The following PLB1 variants were observed in gnomAD, a reference collection of about 807,000 sequenced individuals.
PLB1 encodes phospholipase B1, membrane-associated.
PLB1 carries 242 observed loss-of-function variants against 227.4 expected under a neutral mutation model. That is an observed-to-expected ratio of 1.06 (90% confidence interval 0.96 to 1.18). PLB1 has a LOEUF of 1.18. PLB1 is among the 50% of genes most tolerant of loss of function. PLB1 has a pLI of 0.00. For synonymous variants in PLB1, 757 were observed against 682.2 expected (o/e 1.11, Z -1.71); for missense variants, 1,858 against 1,816.3 (o/e 1.02, Z -0.42).
intron 49 of PLB1, among the ~76,000 whole-genome samples, chr2:28,622,628 C>G (rs945286427): frequency 2.6e-5 from 4 of 152,204 alleles, no homozygotes; most frequent in Non-Finnish European, 1.5e-5. Context: ...GTGACTCACA[C>G]CTGTAATCCC....
intron 6 of PLB1, among the ~76,000 whole-genome samples, chr2:28,528,522 G>T (rs1670577011): frequency 6.6e-6 from 1 of 152,222 alleles, no homozygotes; most frequent in African/African-American, 2.4e-5. Context: ...CCGAGTCCCT[G>T]TCCCAGCATC....
At chr2:28,620,422 G>T in intron 47 of PLB1, 90 bp downstream of exon 47, 7 of 1,392,924 alleles carry the variant, frequency 5.0e-6, no homozygotes, top group Non-Finnish European at 6.8e-6. Flanking sequence ...CAGGGATGCA[G>T]TTGGGTCCCC....
intron 17 of PLB1, among the ~76,000 whole-genome samples, chr2:28,558,580 GTTC>G (rs1419496633): frequency 2.0e-5 from 3 of 152,196 alleles, no homozygotes; most frequent in African/African-American, 7.2e-5. Flanking sequence ...ATTTGCTATT[GTTC>G]TTCTAACCAC....
In PLB1 at chr2:28,604,691, G is replaced by A; in HGVS notation, c.2893G>A (p.Asp965Asn). 2 of 1,614,162 alleles carry A rather than the reference G, an allele frequency of 1.2e-6. No homozygotes were observed. Among genetic ancestry groups the A allele is most frequent in the South Asian group, 2.2e-5 (2 of 91,064 alleles). The change falls in exon 41 of 58, where the codon GAC becomes AAC. Residue 965 changes from aspartate (D) to asparagine (N), a missense_variant. Physicochemically the swap from Asp to Asn is conservative, Grantham distance 23 (BLOSUM62 1). Coordinates refer to ENST00000327757, the MANE Select transcript of PLB1 (RefSeq NM_153021.5). ...MRELVGSGRYDTQEDFSVVLQ... is the reference protein window; with the variant it reads ...MRELVGSGRYNTQEDFSVVLQ... ...CGAGCTGGTGGGGTCAGGCCGCTAT[G>A]ACACGCAGGAGGACTTCTCTGTGGT...
intron 1 of PLB1, among the ~76,000 whole-genome samples, chr2:28,515,435 A>G (rs886556746): frequency 6.6e-6 from 1 of 152,064 alleles, no homozygotes; most frequent in East Asian, 1.9e-4. Context: ...CCACACTTCT[A>G]TGCCTTCCCG....
At chr2:28,564,716 A>G (rs940927912) in intron 18 of PLB1, among the ~76,000 whole-genome samples, 7 of 152,124 alleles carry the variant, frequency 4.6e-5, no homozygotes, top group Non-Finnish European at 7.4e-5. Flanking sequence ...TTCACCCCCA[A>G]CTGCCTGGGA....
chr2:28,516,931 T>C (rs1204304953), intron 2 of PLB1, 62 bp downstream of exon 2: 4 of 1,550,270 alleles, frequency 2.6e-6, no homozygotes, highest in Non-Finnish European at 3.6e-6. Context: ...ATTTTCCTTG[T>C]AGTGGGTAAA....
rs375559526 is a variant in PLB1 at position 28,604,624 on chromosome 2, T to C, written c.2857-31T>C. ...CTGGGTCCTGGGCCCACCCAGGGCC[T>C]GGGCTGAAGACCCTGTGCATGTGTC... is the stretch of plus-strand genomic sequence containing the variant. On this transcript the variant is annotated intron_variant, in intron 40 of 57. Transcript: ENST00000327757. 24 of 1,602,582 alleles carry C rather than the reference T, an allele frequency of 1.5e-5. No individual in the cohort carries two copies. The African/African-American group carries it at 2.7e-4, about 18-fold the overall frequency.
intron 43 of PLB1, among the ~76,000 whole-genome samples, chr2:28,611,497 C>A (rs1685455053): frequency 6.6e-6 from 1 of 152,150 alleles, no homozygotes; most frequent in African/African-American, 2.4e-5. Context: ...AGTTCCTCAG[C>A]AGGTACTACA....
chr2:28,593,480 G>T (rs1008367819), intron 32 of PLB1, among the ~76,000 whole-genome samples: 1 of 152,214 alleles, frequency 6.6e-6, no homozygotes, highest in African/African-American at 2.4e-5. Flanking sequence ...CCTCAGCTCA[G>T]CGAGGAGGCA....
chr2:28,542,574 T>C (rs1438807605), intron 13 of PLB1, among the ~76,000 whole-genome samples: 1 of 152,158 alleles, frequency 6.6e-6, no homozygotes, highest in Non-Finnish European at 1.5e-5. Context: ...CCATTGTGGT[T>C]ATTCCGAAGA....
intron 21 of PLB1, among the ~76,000 whole-genome samples, chr2:28,577,591 C>T (rs1486750364): frequency 6.6e-6 from 1 of 152,178 alleles, no homozygotes; most frequent in African/African-American, 2.4e-5. Flanking sequence ...GCCTGTAATC[C>T]CAGCATTTTG....
rs201437959 is a variant in PLB1, at chr2:28,589,741, C to T, written c.1987C>T (p.Arg663Ter). 24 of 1,613,962 alleles carry T rather than the reference C, an allele frequency of 1.5e-5. No individual in the cohort carries two copies. Among genetic ancestry groups the T allele is most frequent in the Non-Finnish European group, 1.8e-5 (21 of 1,179,980 alleles). The change falls in exon 28 of 58, where the codon CGA becomes TGA. Residue 663 changes from arginine to a stop codon, truncating the protein, a stop_gained. Coordinates refer to ENST00000327757, the MANE Select transcript of PLB1 (RefSeq NM_153021.5). LOFTEE classifies it high-confidence loss of function. ...CFHFSSKSHS[R>*]AASALWNNML... ...CCACTTCAGCAGCAAGTCTCACTCC[C>T]GAGCAGCCAGTGCTCTCTGGAACAA...
chr2:28,626,546 A>G, intron 51 of PLB1, 38 bp downstream of exon 51: 1 of 1,579,010 alleles, frequency 6.3e-7, no homozygotes, highest in Non-Finnish European at 8.7e-7. Context: ...CCTGAGAAGG[A>G]AGGTGCTGAC....
chr2:28,539,217 C>A, intron 11 of PLB1, 39 bp downstream of exon 11: 1 of 1,538,728 alleles, frequency 6.5e-7, no homozygotes, highest in Non-Finnish European at 9.0e-7. Context: ...ATCTGTGACA[C>A]GGCTGTCACG....
chr2:28,505,431 G>T (rs961345825), intron 1 of PLB1, among the ~76,000 whole-genome samples: 6 of 152,142 alleles, frequency 3.9e-5, no homozygotes, highest in African/African-American at 1.4e-4. Context: ...AAGCAAGTTG[G>T]CAAGAAATCA....
chr2:28,610,565 T>C (rs1573414567), intron 43 of PLB1, among the ~76,000 whole-genome samples: 1 of 152,186 alleles, frequency 6.6e-6, no homozygotes, highest in Non-Finnish European at 1.5e-5. Flanking sequence ...TCTTCTCAGT[T>C]CCAGCCACTC....
chr2:28,602,611 G>A (rs1363847623), intron 38 of PLB1, among the ~76,000 whole-genome samples: 1 of 152,224 alleles, frequency 6.6e-6, no homozygotes, highest in Non-Finnish European at 1.5e-5. Flanking sequence ...AGGTGCCATT[G>A]CCGCTGCAGC....
Position 28,626,695 on chromosome 2 carries a change from G to A in PLB1, c.3660+187G>A, listed in dbSNP as rs899151. ...GCCCAGCCTTTTCTACTGCCTGAGC[G>A]ACCCCTGGAAGAGCAGGTGCATTGG... On this transcript the variant is annotated intron_variant, in intron 51 of 57. Transcript: ENST00000327757. 2,647 of 621,002 alleles carry A rather than the reference G, an allele frequency of 4.3e-3. 47 individuals carry two copies. Among genetic ancestry groups the A allele is most frequent in the African/African-American group, 0.037 (2,014 of 54,180 alleles). The allele number at this position is 621,002 out of a possible 1,614,324, so 38.5% of individuals were successfully genotyped here.
Sources: allele counts gnomAD v4.1 joint callset (sites outside exome capture counted in the v4.1 genomes callset), GRCh38; gene constraint gnomAD v4.1.1; transcripts MANE v1.5; gene names NCBI Gene and HGNC (gene_info 2026-07-23, HGNC 2026-07-21).